CLBA1: variants seen among roughly 807,000 people sequenced by gnomAD.
CLBA1 encodes the protein clathrin binding box of aftiphilin containing 1.
A neutral mutation model predicts 28.8 loss-of-function variants in CLBA1; 30 were observed. The ratio of observed to expected loss-of-function variants is 1.04; its 90% confidence interval spans 0.78 to 1.41. The LOEUF (loss-of-function observed/expected upper bound fraction) is 1.41. Ranked by LOEUF, CLBA1 falls within the 40% of genes most tolerant of loss-of-function variation. CLBA1 has a pLI of 0.00. For missense variants in CLBA1, 451 were observed against 412.3 expected, an observed-to-expected ratio of 1.09 and a Z score of -0.81; for synonymous variants, 160 against 152.8, an observed-to-expected ratio of 1.05 and a Z score of -0.35.
intron 2 of CLBA1, chr14:104,990,026 G>T: frequency 4.3e-6 from 1 of 231,248 alleles, no homozygotes; most frequent in Admixed American, 4.4e-5. Context: ...CAGATGGCCC[G>T]TGTGCCCTCT....
rs1382985616 is a variant in CLBA1 at position 104,986,697 on chromosome 14, C to A, written c.266C>A (p.Ala89Asp). 5.0e-6 allele frequency: 8 copies of A among 1,614,126 alleles called. No homozygotes were observed. In the Admixed American group the frequency reaches 1.0e-4, roughly 20 times the overall value. Residue 89 changes from alanine to aspartate, a missense_variant, in exon 1 of 5, where the codon GCC (alanine) becomes GAC (aspartate). Transcript: ENST00000547315. ...GEFEGFRESS[A>D]KSGQFSQSLE... Reference sequence around the variant, plus strand: ...TTTGAAGGCTTTCGGGAATCTTCAGCCAAGTCTGGACAATTCTCACAGTCC... The same window carrying A: ...TTTGAAGGCTTTCGGGAATCTTCAGACAAGTCTGGACAATTCTCACAGTCC...
chr14:104,993,275 A>G (rs900713701), intron 4 of CLBA1: 2 of 985,326 alleles, frequency 2.0e-6, no homozygotes, highest in Admixed American at 1.2e-4. Context: ...TACCATCCGG[A>G]AAGACTCTCA....
intron 2 of CLBA1, chr14:104,990,084 G>A (rs1036150461): frequency 1.0e-5 from 2 of 194,676 alleles, no homozygotes; most frequent in Non-Finnish European, 2.2e-5. Context: ...AAACTGTGGA[G>A]AATGTGGTCC....
intron 4 of CLBA1, chr14:104,993,929 A>C (rs1900104715): frequency 1.0e-6 from 1 of 985,428 alleles, no homozygotes; most frequent in Non-Finnish European, 1.2e-6. Context: ...GACAGCAGGA[A>C]GGTTGCATAG....
At chr14:104,998,791 T>G (rs544955850), downstream of CLBA1, among the ~76,000 whole-genome samples, 3 of 152,350 alleles carry the variant, frequency 2.0e-5, no homozygotes, top group East Asian at 5.8e-4. Context: ...CAGGGACAGC[T>G]GGCAGGACAG....
downstream of CLBA1, among the ~76,000 whole-genome samples, chr14:104,995,789 G>T (rs981402993): frequency 6.6e-6 from 1 of 152,252 alleles, no homozygotes; most frequent in African/African-American, 2.4e-5. Flanking sequence ...GTTGCACGTG[G>T]CTCTAGGTCT....
At chr14:104,992,299 G>C (rs9652405) in intron 3 of CLBA1, among the ~76,000 whole-genome samples, 2 of 152,204 alleles carry the variant, frequency 1.3e-5, no homozygotes, top group African/African-American at 4.8e-5. Flanking sequence ...TGCCGTGCAC[G>C]TGCTCAAGCT....
At chr14:104,991,443 T>A in intron 2 of CLBA1, 48 bp from the exon 3 acceptor site, 2 of 1,609,944 alleles carry the variant, frequency 1.2e-6, no homozygotes, top group Non-Finnish European at 1.7e-6. Flanking sequence ...CATGATCTCC[T>A]CAGAAGGCTC....
Position 104,995,314 on chromosome 14 carries a change from GC to G in CLBA1, c.*559del. 1.0e-6 allele frequency: 1 copy of G among 985,454 alleles called. No individual in the cohort carries two copies. The highest frequency in any genetic ancestry group is 1.2e-6 in the Non-Finnish European group (1 of 830,004). The allele number at this position is 985,454 out of a possible 1,614,324, so 61.0% of individuals were successfully genotyped here. ...GCAGGTGCCCTCACTTACTGCCTGG[GC>G]CCCTGCCCAGCAGCCTCAAGGACAG... On this transcript the variant is annotated 3_prime_UTR_variant, in exon 5 of 5. Transcript: ENST00000547315.
Position 104,991,489 on chromosome 14 carries a change from A to G in CLBA1, c.570-2A>G. ...CTTTTAACAAGTGCATCTGTTTTCC[A>G]GTAACGAATCCAGAAAACTCTGGAG... On this transcript the variant is annotated splice_acceptor_variant, in intron 2 of 4. Transcript: ENST00000547315. LOFTEE classifies it high-confidence loss of function. 1.2e-6 allele frequency: 2 copies of G among 1,613,792 alleles called. No homozygotes were observed. Among genetic ancestry groups the G allele is most frequent in the South Asian group, 1.1e-5 (1 of 91,068 alleles).
intron 2 of CLBA1, chr14:104,991,043 G>C (rs1900005211): frequency 6.2e-6 from 1 of 161,938 alleles, no homozygotes; most frequent in African/African-American, 2.4e-5. Context: ...TTGTTTGTTT[G>C]AGACAGAGTC....
chr14:104,989,054 G>A lies in CLBA1; in HGVS notation c.535G>A (p.Glu179Lys), dbSNP rs1566932388. ...IDHFLEISSE[E>K]KPGVERVHKL... ...CCATTTCCTAGAAATAAGCAGTGAA[G>A]AAAAACCTGGCGTTGAACGTGTACA... The change falls in exon 2 of 5, where the codon GAA becomes AAA. Residue 179 changes from glutamate to lysine, a missense_variant. Transcript: ENST00000547315. The A allele has an allele frequency of 1.2e-6, 2 of 1,613,072 alleles. No homozygotes were observed. Among genetic ancestry groups the A allele is most frequent in the South Asian group, 1.1e-5 (1 of 90,704 alleles).
At position 104,986,172 on chromosome 14, in the gene CLBA1, G is replaced by T; in HGVS notation, c.-260G>T. 1 of 547,330 alleles carries T rather than the reference G, an allele frequency of 1.8e-6. No individual in the cohort carries two copies. Among genetic ancestry groups the T allele is most frequent in the South Asian group, 2.1e-5 (1 of 47,700 alleles). 33.9% of individuals were successfully genotyped at this position (547,330 alleles called of 1,614,324 possible). On this transcript the variant is annotated 5_prime_UTR_variant, in exon 1 of 5. Coordinates refer to ENST00000547315, the MANE Select transcript of CLBA1 (RefSeq NM_174891.4). ...CCGTGGGTCTGGTACGCGCCTCTGT[G>T]TCGGACTCCGCGCCCGCCTGCGTGG...
intron 1 of CLBA1, among the ~76,000 whole-genome samples, 164 bp downstream of exon 1, chr14:104,987,018 C>T (rs544151030): frequency 6.6e-6 from 1 of 152,374 alleles, no homozygotes; most frequent in Non-Finnish European, 1.5e-5. Context: ...TTGGCAGTCC[C>T]ATCCTGAGGC....
chr14:104,988,568 T>G (rs1213502161), intron 1 of CLBA1, among the ~76,000 whole-genome samples: 1 of 152,184 alleles, frequency 6.6e-6, no homozygotes, highest in Non-Finnish European at 1.5e-5. Flanking sequence ...CTCGAACTCC[T>G]GACCTCGTGA....
At chr14:104,992,227 GCA>G (rs973447675) in intron 3 of CLBA1, among the ~76,000 whole-genome samples, 48 of 149,846 alleles carry the variant, frequency 3.2e-4, no homozygotes, top group Admixed American at 3.1e-3. Context: ...ATGCCGCCAC[GCA>G]CACGCCACCA....
chr14:104,991,636 T>C lies in CLBA1; in HGVS notation c.699+16T>C, dbSNP rs780787021. On this transcript the variant is annotated intron_variant, in intron 3 of 4. Coordinates refer to ENST00000547315, the MANE Select transcript of CLBA1 (RefSeq NM_174891.4). ...TGCGCAGAAGGTAGGCGGTTTGGGT[T>C]GACACAGGGCTCCTGGGAGTGTGGT... 3.4e-5 allele frequency: 55 copies of C among 1,600,720 alleles called. No homozygotes were observed. In the East Asian group the frequency reaches 1.2e-3, roughly 35 times the overall value.
chr14:104,995,684 A>T (rs190754115), downstream of CLBA1, among the ~76,000 whole-genome samples: 3 of 152,300 alleles, frequency 2.0e-5, no homozygotes, highest in Admixed American at 1.3e-4. Flanking sequence ...CGATGTGCAC[A>T]GTGATGGGCA....
At position 104,995,038 on chromosome 14, in the gene CLBA1, A is replaced by C; in HGVS notation, c.*279A>C. On this transcript the variant is annotated 3_prime_UTR_variant, in exon 5 of 5. Coordinates refer to ENST00000547315, the MANE Select transcript of CLBA1 (RefSeq NM_174891.4). ...CTCATGGGCCCCCTGCCCCATGTGA[A>C]TGCTGCTGGCACCTGGTGGGGGGTT... 1 of 1,076,208 alleles carries C rather than the reference A, an allele frequency of 9.3e-7. No homozygotes were observed. 66.7% of individuals were successfully genotyped at this position (1,076,208 alleles called of 1,614,324 possible).
Sources: allele counts gnomAD v4.1 joint callset (sites outside exome capture counted in the v4.1 genomes callset), GRCh38; gene constraint gnomAD v4.1.1; transcripts MANE v1.5; gene names NCBI Gene and HGNC (gene_info 2026-07-23, HGNC 2026-07-21).